Variants in SETD7 observed in about 807,000 individuals in gnomAD.
The protein encoded by SETD7 is histone-lysine N-methyltransferase SETD7.
SETD7 carries 16 observed loss-of-function variants against 41.8 expected under a neutral mutation model. The observed-to-expected ratio is 0.38, with a 90% confidence interval of 0.26 to 0.58. The LOEUF (loss-of-function observed/expected upper bound fraction) is 0.58, where lower values mean the gene tolerates loss of function less well. Ranked by LOEUF, SETD7 falls within the 20% of genes least tolerant of loss-of-function variation. The probability of loss-of-function intolerance (pLI) is 0.64; values close to 1 mark genes in which losing one functional copy is unlikely to be tolerated. For synonymous variants in SETD7, 163 were observed against 169.7 expected (o/e 0.96, Z 0.31); for missense variants, 346 against 459.7 (o/e 0.75, Z 2.26).
At chr4:139,531,636 G>A (rs1459474206) in intron 3 of SETD7, among the ~76,000 whole-genome samples, 1 of 152,172 alleles carries the variant, frequency 6.6e-6, no homozygotes, top group Non-Finnish European at 1.5e-5. Flanking sequence ...CTTAGAAAAT[G>A]TTTTACAACA....
In SETD7 at chr4:139,530,458, T is replaced by C. The variant is rs142899913; in HGVS notation, c.373-1238A>G. On this transcript the variant is annotated intron_variant, in intron 3 of 7. Coordinates refer to ENST00000274031, the MANE Select transcript of SETD7 (RefSeq NM_030648.4). ...GAAAAATACTTAGAAGCATTTTTAATGGATAGAAAGTGCACTAGGGATATA... is the reference window on the plus strand; with the variant it reads ...GAAAAATACTTAGAAGCATTTTTAACGGATAGAAAGTGCACTAGGGATATA... 2.6e-3 allele frequency among the ~76,000 whole-genome samples: 398 copies of C among 151,812 alleles called. 1 individual carries two copies. The highest frequency in any genetic ancestry group is 1.0e-2 in the South Asian group (48 of 4,820).
At chr4:139,533,432 T>C (rs759725874) in intron 2 of SETD7, 66 bp from the exon 3 acceptor site, 1 of 1,413,424 alleles carries the variant, frequency 7.1e-7, no homozygotes, top group Non-Finnish European at 9.8e-7. Flanking sequence ...GAAGAAAGGA[T>C]CATATCCAAG....
At chr4:139,519,764 A>G (rs1217320440) in intron 6 of SETD7, among the ~76,000 whole-genome samples, 1 of 152,250 alleles carries the variant, frequency 6.6e-6, no homozygotes, top group Non-Finnish European at 1.5e-5. Context: ...AATTAACTGT[A>G]AAGTGAAGAA....
chr4:139,507,684 T>C lies in SETD7; in HGVS notation c.*3979A>G, dbSNP rs1170511262. 1 of 152,616 alleles carries C rather than the reference T, an allele frequency of 6.6e-6. No homozygotes were observed. Among genetic ancestry groups the C allele is most frequent in the African/African-American group, 2.4e-5 (1 of 41,430 alleles). The allele number at this position is 152,616 out of a possible 1,614,324, so 9.5% of individuals were successfully genotyped here. A position where few individuals can be genotyped will look rare whatever the true frequency, so the allele number is the denominator to read the frequency against. On this transcript the variant is annotated 3_prime_UTR_variant, in exon 8 of 8. Coordinates refer to ENST00000274031, the MANE Select transcript of SETD7 (RefSeq NM_030648.4). ...ATTGCTTTGAATATGTACGCACACATTTGGCAAAAGAAAACTATTACAATT... is the reference window on the plus strand; with the variant it reads ...ATTGCTTTGAATATGTACGCACACACTTGGCAAAAGAAAACTATTACAATT...
intron 2 of SETD7, among the ~76,000 whole-genome samples, chr4:139,536,809 C>T (rs1049730725): frequency 6.6e-6 from 1 of 151,998 alleles, no homozygotes; most frequent in Non-Finnish European, 1.5e-5. Flanking sequence ...TTGAAACTAG[C>T]CTGGCCAACA....
chr4:139,546,598 A>C, intron 2 of SETD7: 2 of 366,270 alleles, frequency 5.5e-6, no homozygotes, highest in Non-Finnish European at 1.0e-5. Context: ...GAGATGCGCT[A>C]CCGGAATGAT....
intron 7 of SETD7, among the ~76,000 whole-genome samples, chr4:139,500,711 G>A (rs986928477): frequency 3.9e-5 from 6 of 152,192 alleles, no homozygotes; most frequent in Admixed American, 2.0e-4. Context: ...GTTTTGCCAT[G>A]TTGGCAAGGC....
In SETD7 at chr4:139,555,323, G is replaced by C. The variant is rs1483614853; in HGVS notation, c.40+775C>G. ...CCCACAGCCAACGGCATGGAATTCAGAAAGTTAAGTGTCACCCAGCAATCT... is the reference window on the plus strand; with the variant it reads ...CCCACAGCCAACGGCATGGAATTCACAAAGTTAAGTGTCACCCAGCAATCT... On this transcript the variant is annotated intron_variant, in intron 1 of 7. Transcript: ENST00000274031. The surrounding 1 kb of genome is among the most constrained non-coding windows in gnomAD (Gnocchi z 4.0). 1.3e-5 allele frequency among the ~76,000 whole-genome samples: 2 copies of C among 151,852 alleles called. No homozygotes were observed. Among genetic ancestry groups the C allele is most frequent in the Non-Finnish European group, 2.9e-5 (2 of 67,982 alleles).
chr4:139,552,868 CATATT>C (rs1728149483), intron 1 of SETD7, among the ~76,000 whole-genome samples: 1 of 152,152 alleles, frequency 6.6e-6, no homozygotes, highest in South Asian at 2.1e-4. Context: ...TATTTGAAAT[CATATT>C]AGAGACCACA....
downstream of SETD7, among the ~76,000 whole-genome samples, chr4:139,504,401 T>A (rs918510229): frequency 6.6e-6 from 1 of 152,244 alleles, no homozygotes; most frequent in African/African-American, 2.4e-5. Context: ...TCTATCTATC[T>A]ATCTGCAAGG....
chr4:139,530,035 T>C (rs1727438850), intron 3 of SETD7, among the ~76,000 whole-genome samples: 1 of 152,216 alleles, frequency 6.6e-6, no homozygotes, highest in Non-Finnish European at 1.5e-5. Flanking sequence ...TATCATATAA[T>C]TCTATACCTT....
intron 5 of SETD7, among the ~76,000 whole-genome samples, 183 bp downstream of exon 5, chr4:139,523,171 C>T (rs1331659873): frequency 6.6e-6 from 1 of 152,198 alleles, no homozygotes; most frequent in Non-Finnish European, 1.5e-5. Flanking sequence ...TAAAAACACT[C>T]TTCCTCAGAA....
intron 3 of SETD7, among the ~76,000 whole-genome samples, chr4:139,529,449 T>C (rs996833649): frequency 3.3e-5 from 5 of 152,230 alleles, no homozygotes; most frequent in African/African-American, 1.2e-4. Context: ...GGGGCATGTA[T>C]GCCTGATTTA....
chr4:139,509,687 AAAGCACCTATCAG>A lies in SETD7; in HGVS notation c.*1963_*1975del. The stretch of plus-strand genomic sequence containing the variant: ...CACTCCCTTTGGGCACATTTAAATT[AAAGCACCTATCAG>A]AATGCAAGTCCAGAGGCCCTGGCCC... On this transcript the variant is annotated 3_prime_UTR_variant, in exon 8 of 8. Coordinates refer to ENST00000274031, the MANE Select transcript of SETD7 (RefSeq NM_030648.4). The A allele has an allele frequency of 1.0e-6, 1 of 985,222 alleles. No homozygotes were observed. The highest frequency in any genetic ancestry group is 1.2e-6 in the Non-Finnish European group (1 of 829,704). The allele number at this position is 985,222 out of a possible 1,614,324, so 61.0% of individuals were successfully genotyped here. A position where few individuals can be genotyped will look rare whatever the true frequency, so the allele number is the denominator to read the frequency against.
At chr4:139,526,436 ATTTTTTTT>A (rs11353890) in intron 4 of SETD7, among the ~76,000 whole-genome samples, 2 of 122,604 alleles carry the variant, frequency 1.6e-5, no homozygotes, top group Non-Finnish European at 3.4e-5. Flanking sequence ...TGCCCAGCTA[ATTTTTTTT>A]TTTTTTTTTT....
rs1159417045 is a variant in SETD7 at position 139,533,276 on chromosome 4, T to C, written c.261A>G (p.Val87=). Residue 87 remains valine (V), a synonymous_variant, in exon 3 of 8, where the codon GTA becomes GTG. Transcript: ENST00000274031. ...GGGCTGGACCGTTCAGCTCTCCGTC[T>C]ACATACGTGCCCTGGAGAACTCCCC... ...EDGGVLQGTY[V]DGELNGPAQE... 1.2e-6 allele frequency: 2 copies of C among 1,614,174 alleles called. No individual in the cohort carries two copies. Among genetic ancestry groups the C allele is most frequent in the Non-Finnish European group, 8.5e-7 (1 of 1,179,996 alleles).
chr4:139,521,391 A>G (rs959204013), intron 5 of SETD7, among the ~76,000 whole-genome samples: 6 of 151,412 alleles, frequency 4.0e-5, no homozygotes, highest in African/African-American at 1.5e-4. Context: ...GCACCATTGC[A>G]CTCCAGTCTG....
downstream of SETD7, among the ~76,000 whole-genome samples, chr4:139,495,491 G>T (rs1248369599): frequency 6.6e-6 from 1 of 151,954 alleles, no homozygotes; most frequent in African/African-American, 2.4e-5. Context: ...CTGCATGGCT[G>T]GGGAGGCCTC....
At chr4:139,524,350 A>G (rs559415693) in intron 4 of SETD7, among the ~76,000 whole-genome samples, 1 of 152,354 alleles carries the variant, frequency 6.6e-6, no homozygotes, top group East Asian at 1.9e-4. Flanking sequence ...AAAAGAATTC[A>G]GTTCAGGGAA....
Sources: gnomAD v4.1 joint callset for allele counts (sites outside exome capture counted in the v4.1 genomes callset) on GRCh38, gnomAD v4.1.1 for gene constraint, Gnocchi (gnomAD v3.1) non-coding constraint, MANE v1.5 for transcripts, NCBI Gene and HGNC (gene_info 2026-07-23, HGNC 2026-07-21) for gene names.